The following SLC3A1 variants were observed in gnomAD, a reference collection of about 807,000 sequenced individuals.
SLC3A1 encodes amino acid transporter heavy chain SLC3A1.
In SLC3A1, 78 loss-of-function variants were observed where a neutral mutation model predicts 60.3. That is an observed-to-expected ratio of 1.29 (90% CI 1.08 to 1.56). The LOEUF (loss-of-function observed/expected upper bound fraction) is 1.56, where lower values mean the gene tolerates loss of function less well. SLC3A1 is among the 40% of genes most tolerant of loss of function. The pLI is 0.00. For synonymous variants in SLC3A1, 392 were observed against 307.9 expected (o/e 1.27, Z -2.86); for missense variants, 1,172 against 858.9 (o/e 1.36, Z -4.56).
chr2:44,318,711 C>G (rs965928616), intron 9 of SLC3A1: 2 of 151,828 alleles, frequency 1.3e-5, no homozygotes, highest in Non-Finnish European at 2.9e-5. Context: ...TTGAAGAAAA[C>G]CTTTTTATAG....
At chr2:44,310,737 CCTTTT>C (rs1672274715) in intron 7 of SLC3A1, among the ~76,000 whole-genome samples, 1 of 151,446 alleles carries the variant, frequency 6.6e-6, no homozygotes, top group South Asian at 2.1e-4. Flanking sequence ...TTCCTTCTCT[CCTTTT>C]GAGACTCCCA....
chr2:44,292,527 G>C (rs1482473727), intron 4 of SLC3A1, among the ~76,000 whole-genome samples: 1 of 152,116 alleles, frequency 6.6e-6, no homozygotes, highest in Non-Finnish European at 1.5e-5. Context: ...ATATTCTGGG[G>C]TGGGAGGTGG....
At chr2:44,305,367 G>A (rs1672126224) in intron 7 of SLC3A1, among the ~76,000 whole-genome samples, 1 of 151,704 alleles carries the variant, frequency 6.6e-6, no homozygotes, top group South Asian at 2.1e-4. Context: ...CACGGTAATA[G>A]TGGTTTAAAC....
chr2:44,314,238 G>C lies in SLC3A1; in HGVS notation c.1617+287G>C, dbSNP rs1040814656. On this transcript the variant is annotated intron_variant, in intron 9 of 9. Transcript: ENST00000260649. The stretch of plus-strand genomic sequence containing the variant: ...TGAGCTATGAAGGAAATTTTATGAA[G>C]TTTTTTAGCTAGCCCAGCTGCCTTT... 26 of 694,696 alleles carry C rather than the reference G, an allele frequency of 3.7e-5. No homozygotes were observed. In the African/African-American group the frequency reaches 4.5e-4, roughly 12 times the overall value. 43.0% of individuals were successfully genotyped at this position (694,696 alleles called of 1,614,324 possible). A position where few individuals can be genotyped will look rare whatever the true frequency, so the allele number is the denominator to read the frequency against.
chr2:44,279,584 G>A (rs1671443746), intron 1 of SLC3A1, among the ~76,000 whole-genome samples: 1 of 151,788 alleles, frequency 6.6e-6, no homozygotes, highest in African/African-American at 2.4e-5. Context: ...GAAATACAAT[G>A]GGAGCCACAT....
intron 8 of SLC3A1, 73 bp from the exon 9 acceptor site, chr2:44,313,762 A>C: frequency 8.8e-7 from 1 of 1,133,810 alleles, no homozygotes; most frequent in Non-Finnish European, 1.3e-6. Flanking sequence ...ATAATTATGA[A>C]GTAAATCAGG....
intron 9 of SLC3A1, chr2:44,314,254 A>G (rs1429279860): frequency 1.6e-6 from 1 of 624,086 alleles, no homozygotes; most frequent in Non-Finnish European, 2.7e-6. Context: ...TAGCTAGCCC[A>G]GCTGCCTTTC....
At chr2:44,314,835 C>T (rs1205378946) in intron 9 of SLC3A1, 1 of 151,764 alleles carries the variant, frequency 6.6e-6, no homozygotes, top group Non-Finnish European at 1.5e-5. Context: ...TTCCCATAGG[C>T]CAAGGCCAAT....
chr2:44,287,882 G>A (rs1221440196), intron 4 of SLC3A1, among the ~76,000 whole-genome samples: 3 of 152,038 alleles, frequency 2.0e-5, no homozygotes, highest in Non-Finnish European at 4.4e-5. Context: ...GAGTCACTAG[G>A]GGCACCTAGA....
intron 7 of SLC3A1, among the ~76,000 whole-genome samples, chr2:44,309,764 A>C (rs776838514): frequency 6.6e-6 from 1 of 151,766 alleles, no homozygotes; most frequent in African/African-American, 2.4e-5. Context: ...ATGACTGGCT[A>C]ATTTTTGTAT....
downstream of SLC3A1, chr2:44,321,720 C>A: frequency 6.3e-7 from 1 of 1,598,768 alleles, no homozygotes; most frequent in Non-Finnish European, 8.5e-7. Context: ...ATAGATAGGA[C>A]ATTTGTGAAG....
chr2:44,280,877 G>A lies in SLC3A1; in HGVS notation c.592G>A (p.Ala198Thr), dbSNP rs1671481602. Reference protein sequence around the residue: ...GTMEDFENLVAAIHDKGLKLI... With the variant: ...GTMEDFENLVTAIHDKGLKLI... ...GATGGAAGATTTTGAGAATCTGGTT[G>A]CAGCCATACATGATAAAGGTAAGTT... The change falls in exon 2 of 10, where the codon GCA (alanine) becomes ACA (threonine). Residue 198 changes from alanine (A) to threonine (T), a missense_variant. Physicochemically the swap from Ala to Thr is moderately conservative, Grantham distance 58. Transcript: ENST00000260649. 2 of 1,613,860 alleles carry A rather than the reference G, an allele frequency of 1.2e-6. No individual in the cohort carries two copies. The highest frequency in any genetic ancestry group is 1.7e-6 in the Non-Finnish European group (2 of 1,180,002).
At chr2:44,291,632 T>C (rs1671741348) in intron 4 of SLC3A1, among the ~76,000 whole-genome samples, 1 of 152,204 alleles carries the variant, frequency 6.6e-6, no homozygotes, top group African/African-American at 2.4e-5. Context: ...GAGACTTCTG[T>C]CACCCTCCTC....
intron 4 of SLC3A1, among the ~76,000 whole-genome samples, chr2:44,291,681 G>A (rs193076577): frequency 1.3e-5 from 2 of 152,314 alleles, no homozygotes; most frequent in East Asian, 1.9e-4. Context: ...CTGCAATAGA[G>A]TTAAGCAGGT....
downstream of SLC3A1, chr2:44,321,891 G>A: frequency 6.2e-7 from 1 of 1,613,170 alleles, no homozygotes; most frequent in East Asian, 2.2e-5. Context: ...AATATTAGGG[G>A]TCTGATAGCC....
At chr2:44,277,101 T>TC (rs11434743) in intron 1 of SLC3A1, among the ~76,000 whole-genome samples, 14,088 of 69,980 alleles carry the variant, frequency 0.2, 465 homozygotes, top group South Asian at 0.32. Flanking sequence ...ATTCTCTCTC[T>TC]TCTTTTTTTT....
chr2:44,321,857 G>A (rs1481266767), downstream of SLC3A1: 19 of 1,613,546 alleles, frequency 1.2e-5, no homozygotes, highest in Non-Finnish European at 1.5e-5. Flanking sequence ...TTACATGATT[G>A]CCTCCAGGCT....
At chr2:44,311,557 T>G (rs374639583) in intron 7 of SLC3A1, among the ~76,000 whole-genome samples, 25 of 152,274 alleles carry the variant, frequency 1.6e-4, no homozygotes, top group African/African-American at 6.0e-4. Context: ...TCCAGAAGTC[T>G]TGAGAAATCA....
intron 3 of SLC3A1, chr2:44,285,695 A>G (rs1178987084): frequency 2.0e-6 from 1 of 509,948 alleles, no homozygotes; most frequent in Non-Finnish European, 4.0e-6. Flanking sequence ...CTCTTCACAA[A>G]CAAGAGTTTG....
Sources: allele counts gnomAD v4.1 joint callset (sites outside exome capture counted in the v4.1 genomes callset), GRCh38; gene constraint gnomAD v4.1.1; transcripts MANE v1.5; gene names NCBI Gene and HGNC (gene_info 2026-07-23, HGNC 2026-07-21).